GSE1: variants seen among roughly 807,000 people sequenced by gnomAD.
GSE1 encodes genetic suppressor element 1.
Under a neutral mutation model 112.6 loss-of-function variants are expected in GSE1, and 32 were observed. The observed-to-expected ratio is 0.28, with a 90% CI of 0.21 to 0.38. The LOEUF (loss-of-function observed/expected upper bound fraction) is 0.38. Among genes scored for constraint, GSE1 ranks in the 10% least tolerant of loss-of-function variants. The pLI, the probability that GSE1 is intolerant of heterozygous loss-of-function variation, is 1.00. For synonymous variants in GSE1, 1,115 were observed against 735.6 expected (o/e 1.52, Z -8.35); for missense variants, 2,348 against 1,699.2 (o/e 1.38, Z -6.71).
chr16:85,222,121 A>G (rs563018052), intron 1 of GSE1, among the ~76,000 whole-genome samples: 20 of 152,088 alleles, frequency 1.3e-4, no homozygotes, highest in Admixed American at 5.9e-4. Context: ...CTATTCCACG[A>G]GAGGATGGAT....
At chr16:85,371,624 C>G (rs1458937553) in intron 2 of GSE1, among the ~76,000 whole-genome samples, 1 of 152,220 alleles carries the variant, frequency 6.6e-6, no homozygotes, top group Non-Finnish European at 1.5e-5. Context: ...CCAGCTGCCT[C>G]TGCTGCTGGC....
intron 1 of GSE1, among the ~76,000 whole-genome samples, chr16:85,316,200 G>T (rs973446262): frequency 1.3e-5 from 2 of 152,230 alleles, no homozygotes; most frequent in African/African-American, 4.8e-5. Flanking sequence ...TTTCCTACTA[G>T]CCACGCTTTT....
chr16:85,410,038 C>CGGATAATCCTCACTGTTACACTCAGG (rs2048463260), intron 2 of GSE1, among the ~76,000 whole-genome samples: 1 of 47,340 alleles, frequency 2.1e-5, no homozygotes, highest in Non-Finnish European at 3.8e-5. Context: ...TCAGGGCCCC[C>CGGATAATCCTCACTGTTACACTCAGG]CCCGGATAAT....
intron 2 of GSE1, among the ~76,000 whole-genome samples, chr16:85,367,329 C>T (rs371356246): frequency 2.0e-5 from 3 of 152,210 alleles, no homozygotes; most frequent in African/African-American, 7.2e-5. Flanking sequence ...GCTACAATGC[C>T]GTATGTGTGC....
intron 2 of GSE1, among the ~76,000 whole-genome samples, chr16:85,528,975 A>T (rs979707359): frequency 1.3e-4 from 20 of 152,252 alleles, no homozygotes; most frequent in African/African-American, 4.3e-4. Context: ...CTTGGCCTTT[A>T]CTCAGAATCA....
chr16:85,516,883 C>T (rs571120069), intron 2 of GSE1, among the ~76,000 whole-genome samples: 4 of 151,582 alleles, frequency 2.6e-5, no homozygotes, highest in East Asian at 3.9e-4. Flanking sequence ...CTGCAAGCTC[C>T]GCCTCCCGGG....
At chr16:85,617,966 G>A (rs1365499178) in intron 1 of GSE1, among the ~76,000 whole-genome samples, 1 of 152,134 alleles carries the variant, frequency 6.6e-6, no homozygotes, top group Non-Finnish European at 1.5e-5. Context: ...CTGGATGTCT[G>A]TGGGCCTTGT....
chr16:85,554,310 G>A (rs1269798338), upstream of GSE1, among the ~76,000 whole-genome samples: 1 of 152,126 alleles, frequency 6.6e-6, no homozygotes, highest in African/African-American at 2.4e-5. Context: ...GGTGTGAAAG[G>A]GAGGCGGCGT....
intron 2 of GSE1, among the ~76,000 whole-genome samples, chr16:85,523,777 A>T (rs1174435220): frequency 6.6e-6 from 1 of 152,216 alleles, no homozygotes; most frequent in African/African-American, 2.4e-5. Flanking sequence ...TCTAGGTGTC[A>T]CGTTTTCCCC....
At chr16:85,275,346 C>T (rs1462791672) in intron 1 of GSE1, among the ~76,000 whole-genome samples, 1 of 152,184 alleles carries the variant, frequency 6.6e-6, no homozygotes, top group African/African-American at 2.4e-5. Context: ...GGGACAGAAG[C>T]CCGGGCAGAG....
intron 2 of GSE1, among the ~76,000 whole-genome samples, chr16:85,523,758 G>C (rs2052269761): frequency 6.6e-6 from 1 of 152,246 alleles, no homozygotes; most frequent in Non-Finnish European, 1.5e-5. Context: ...GCCTGGCCTG[G>C]TAGCTCAGTC....
intron 1 of GSE1, chr16:85,583,214 C>T (rs1403265360): frequency 6.6e-6 from 1 of 152,220 alleles, no homozygotes; most frequent in East Asian, 1.9e-4. Flanking sequence ...GGACATACAG[C>T]GATTCTCAGT....
intron 1 of GSE1, among the ~76,000 whole-genome samples, chr16:85,310,261 C>A (rs1041798489): frequency 6.6e-6 from 1 of 152,318 alleles, no homozygotes; most frequent in African/African-American, 2.4e-5. Context: ...CTGCTGTGGG[C>A]CTCACTTTGC....
In GSE1 at chr16:85,484,740, A is replaced by G. The variant is rs77107958; in HGVS notation, c.2464+127097A>G. On this transcript the variant is annotated intron_variant, in intron 2 of 2. Transcript: ENST00000637419. Reference sequence around the variant, plus strand: ...CCCGACTCAAAACCAGGGCCCTGGCACAGAGTCCCTCTCAGCCACTCCACC... The same window carrying G: ...CCCGACTCAAAACCAGGGCCCTGGCGCAGAGTCCCTCTCAGCCACTCCACC... Among the ~76,000 whole-genome samples, 441 of 152,334 alleles carry G rather than the reference A, an allele frequency of 2.9e-3. 4 individuals are homozygous for G. The highest frequency in any genetic ancestry group is 9.9e-3 in the African/African-American group (411 of 41,578).
At position 85,648,571 on chromosome 16, in the gene GSE1, G is replaced by A; in HGVS notation, c.246G>A (p.Glu82=). Residue 82 remains glutamate (E), a synonymous_variant, in exon 3 of 16, where the codon GAG becomes GAA. Coordinates refer to ENST00000253458, the MANE Select transcript of GSE1 (RefSeq NM_014615.5). ...CCACAGGGTCCTCACTGAGCAGCGAGTCGTCCCCCGTGTCCTCTCCGGCCA... is the reference window on the plus strand; with the variant it reads ...CCACAGGGTCCTCACTGAGCAGCGAATCGTCCCCCGTGTCCTCTCCGGCCA... The part of the protein sequence containing the change: ...EEPRGSSLSS[E]SSPVSSPATN... 1 of 1,576,710 alleles carries A rather than the reference G, an allele frequency of 6.3e-7. No individual in the cohort carries two copies. The highest frequency in any genetic ancestry group is 8.6e-7 in the Non-Finnish European group (1 of 1,161,346).
upstream of GSE1, chr16:85,613,259 G>C (rs1287427298): frequency 2.6e-6 from 4 of 1,524,388 alleles, no homozygotes; most frequent in South Asian, 2.4e-5. Context: ...CCGGGGCCCC[G>C]GAAGCTCCAC....
chr16:85,421,602 G>T (rs548190856), intron 2 of GSE1, among the ~76,000 whole-genome samples: 1 of 152,210 alleles, frequency 6.6e-6, no homozygotes, highest in Non-Finnish European at 1.5e-5. Context: ...GGTTTTCGGG[G>T]CTGCTGGCAG....
chr16:85,184,045 C>G (rs777739185), intron 1 of GSE1, among the ~76,000 whole-genome samples: 8 of 152,210 alleles, frequency 5.3e-5, no homozygotes, highest in Non-Finnish European at 1.0e-4. Flanking sequence ...CTCTTGAATC[C>G]TTCCAGGGAT....
chr16:85,193,060 T>G (rs2074856933), intron 1 of GSE1, among the ~76,000 whole-genome samples: 1 of 152,164 alleles, frequency 6.6e-6, no homozygotes, highest in Non-Finnish European at 1.5e-5. Flanking sequence ...CCTCTAATGC[T>G]TGGGAGACCA....
Sources: gnomAD v4.1 joint callset for allele counts (sites outside exome capture counted in the v4.1 genomes callset) on GRCh38, gnomAD v4.1.1 for gene constraint, MANE v1.5 for transcripts, NCBI Gene and HGNC (gene_info 2026-07-23, HGNC 2026-07-21) for gene names.